DTNB: variants seen among roughly 807,000 people sequenced by gnomAD.
DTNB encodes dystrobrevin beta.
In DTNB, 63 loss-of-function variants were observed where a neutral mutation model predicts 90.7. That is an observed-to-expected ratio of 0.69 (90% CI 0.57 to 0.86). DTNB has a LOEUF of 0.86. DTNB is among the 40% of genes least tolerant of loss of function. The pLI is 0.00. For synonymous variants in DTNB, 277 were observed against 286.7 expected, an observed-to-expected ratio of 0.97 and a Z score of 0.34; for missense variants, 744 against 807.1, an observed-to-expected ratio of 0.92 and a Z score of 0.95.
chr2:25,429,856 T>C (rs760568965), intron 14 of DTNB, among the ~76,000 whole-genome samples: 2 of 152,182 alleles, frequency 1.3e-5, no homozygotes, highest in Non-Finnish European at 2.9e-5. Flanking sequence ...ACTCTGAAGA[T>C]TGATGTAATG....
At chr2:25,410,773 G>A (rs2046385822) in intron 16 of DTNB, among the ~76,000 whole-genome samples, 1 of 152,024 alleles carries the variant, frequency 6.6e-6, no homozygotes, top group South Asian at 2.1e-4. Flanking sequence ...CCTGGAATGT[G>A]CGATAAAAAG....
chr2:25,647,853 A>C (rs2079859503), intron 2 of DTNB, among the ~76,000 whole-genome samples: 1 of 152,152 alleles, frequency 6.6e-6, no homozygotes, highest in Non-Finnish European at 1.5e-5. Context: ...AAATCACAGG[A>C]AAGTTTATTC....
intron 9 of DTNB, among the ~76,000 whole-genome samples, chr2:25,521,109 T>G (rs1219018457): frequency 1.3e-5 from 2 of 152,194 alleles, no homozygotes; most frequent in Admixed American, 1.3e-4. Flanking sequence ...AGGTGTTATC[T>G]TCACCGCTGC....
chr2:25,648,928 T>C (rs907061173), intron 2 of DTNB, among the ~76,000 whole-genome samples: 3 of 146,804 alleles, frequency 2.0e-5, no homozygotes, highest in Non-Finnish European at 4.5e-5. Context: ...ATTAGAAATA[T>C]AGAAAGAATA....
intron 8 of DTNB, among the ~76,000 whole-genome samples, chr2:25,535,307 G>GCA (rs2079269254): frequency 7.1e-6 from 1 of 140,772 alleles, no homozygotes; most frequent in African/African-American, 2.7e-5. Context: ...AGACGGGGGT[G>GCA]GCCAGGCAGA....
At position 25,390,983 on chromosome 2, in the gene DTNB, G is replaced by A. The variant is rs565200932; in HGVS notation, c.1576-2622C>T. Among the ~76,000 whole-genome samples the A allele has an allele frequency of 8.9e-5, 13 of 146,604 alleles. No individual in the cohort carries two copies. The South Asian group carries it at 2.8e-3, about 32-fold the overall frequency. On this transcript the variant is annotated intron_variant, in intron 16 of 20. Transcript: ENST00000406818. The stretch of plus-strand genomic sequence containing the variant: ...GCAATCTCGGCTCACCACAAGCTCC[G>A]CCTCCCGGGTTCACACCATTCTCCT...
chr2:25,664,835 C>T (rs1235879840), intron 1 of DTNB, among the ~76,000 whole-genome samples: 3 of 152,114 alleles, frequency 2.0e-5, no homozygotes, highest in African/African-American at 4.8e-5. Flanking sequence ...TTGACCATGA[C>T]GATGCTAAAG....
At chr2:25,493,810 T>C (rs1293335493) in intron 9 of DTNB, among the ~76,000 whole-genome samples, 1 of 152,228 alleles carries the variant, frequency 6.6e-6, no homozygotes, top group Non-Finnish European at 1.5e-5. Flanking sequence ...AAGAAGTTTA[T>C]AATCAGTCCT....
chr2:25,412,258 A>G (rs978924783), intron 16 of DTNB, among the ~76,000 whole-genome samples: 5 of 152,100 alleles, frequency 3.3e-5, no homozygotes, highest in African/African-American at 1.2e-4. Flanking sequence ...AGGCCAAACC[A>G]TGCTCTCTTT....
intron 4 of DTNB, among the ~76,000 whole-genome samples, chr2:25,622,080 T>C (rs959624506): frequency 1.3e-5 from 2 of 152,210 alleles, no homozygotes; most frequent in East Asian, 3.8e-4. Flanking sequence ...TTTCATTCTA[T>C]TTCTGAACCA....
chr2:25,533,317 ACCCCATCTC>A (rs2078639981), intron 8 of DTNB, among the ~76,000 whole-genome samples: 1 of 80,890 alleles, frequency 1.2e-5, no homozygotes, highest in South Asian at 3.4e-4. Flanking sequence ...ACAGAGTGAG[ACCCCATCTC>A]AAAGAAAAGA....
intron 9 of DTNB, among the ~76,000 whole-genome samples, chr2:25,498,327 G>C (rs2069502980): frequency 6.6e-6 from 1 of 152,164 alleles, no homozygotes; most frequent in Non-Finnish European, 1.5e-5. Context: ...CAACTAGTGT[G>C]ACTGTTACTA....
intron 5 of DTNB, among the ~76,000 whole-genome samples, chr2:25,605,831 C>T (rs534739589): frequency 1.8e-4 from 28 of 152,122 alleles, no homozygotes; most frequent in Non-Finnish European, 3.2e-4. Context: ...CTCAGAAAAA[C>T]ATATTTTTAT....
Position 25,580,773 on chromosome 2 carries a change from G to T in DTNB, c.657C>A (p.Pro219=). The T allele has an allele frequency of 6.2e-7, 1 of 1,613,574 alleles. No individual in the cohort carries two copies. The highest frequency in any genetic ancestry group is 8.5e-7 in the Non-Finnish European group (1 of 1,179,616). The part of the protein sequence containing the change: ...FLDTMMADPP[P]QCLVWLPLMH... Reference sequence around the variant, plus strand: ...TGAGAGGTAGCCAGACAAGGCACTGGGGAGGAGGGTCAGCCATCATTGTGT... The same window carrying T: ...TGAGAGGTAGCCAGACAAGGCACTGTGGAGGAGGGTCAGCCATCATTGTGT... The change falls in exon 7 of 21, where the codon CCC becomes CCA. Residue 219 remains proline, a synonymous_variant. Coordinates refer to ENST00000406818, the MANE Select transcript of DTNB (RefSeq NM_021907.5).
At chr2:25,397,877 CAAAAA>C (rs56318909) in intron 16 of DTNB, among the ~76,000 whole-genome samples, 5 of 73,136 alleles carry the variant, frequency 6.8e-5, no homozygotes, top group Non-Finnish European at 8.5e-5. Flanking sequence ...AAGACTGTCT[CAAAAA>C]AAAAAAAAAA....
intron 16 of DTNB, among the ~76,000 whole-genome samples, chr2:25,392,718 C>T (rs1044947306): frequency 3.3e-5 from 5 of 152,036 alleles, no homozygotes; most frequent in African/African-American, 1.2e-4. Flanking sequence ...TCTGAATAGA[C>T]CAATAACAAG....
At chr2:25,449,983 C>T (rs2059033397) in intron 12 of DTNB, among the ~76,000 whole-genome samples, 1 of 151,998 alleles carries the variant, frequency 6.6e-6, no homozygotes, top group Non-Finnish European at 1.5e-5. Flanking sequence ...AGGATAGTCT[C>T]GATCTCCTGA....
intron 2 of DTNB, among the ~76,000 whole-genome samples, chr2:25,645,186 C>A (rs912630738): frequency 2.0e-5 from 3 of 150,828 alleles, no homozygotes; most frequent in Non-Finnish European, 3.0e-5. Context: ...AGTTTGAGAC[C>A]TGGCTGGCCA....
intron 9 of DTNB, among the ~76,000 whole-genome samples, chr2:25,520,350 C>T (rs1342952948): frequency 2.0e-5 from 3 of 152,038 alleles, no homozygotes; most frequent in South Asian, 2.1e-4. Flanking sequence ...CCAGCCTGGG[C>T]GACAGAGCAA....
Sources: allele counts gnomAD v4.1 joint callset (sites outside exome capture counted in the v4.1 genomes callset), GRCh38; gene constraint gnomAD v4.1.1; transcripts MANE v1.5; gene names NCBI Gene and HGNC (gene_info 2026-07-23, HGNC 2026-07-21).